Variants in ELMO1 observed in about 807,000 individuals in gnomAD.
ELMO1 encodes the protein engulfment and cell motility 1, also known as engulfment and cell motility protein 1.
In ELMO1, 26 loss-of-function variants were observed where a neutral mutation model predicts 98.9. The ratio of observed to expected loss-of-function variants is 0.26; its 90% CI spans 0.19 to 0.36. The LOEUF (loss-of-function observed/expected upper bound fraction) is 0.36, where lower values mean the gene tolerates loss of function less well. Among genes scored for constraint, ELMO1 ranks in the 10% least tolerant of loss-of-function variants. The pLI, the probability that ELMO1 is intolerant of heterozygous loss-of-function variation, is 1.00. For synonymous variants in ELMO1, 346 were observed against 346.0 expected (o/e 1.00, Z 0.00); for missense variants, 627 against 935.2 (o/e 0.67, Z 4.30).
chr7:37,426,528 C>T (rs1583742590), intron 1 of ELMO1, among the ~76,000 whole-genome samples: 1 of 152,096 alleles, frequency 6.6e-6, no homozygotes, highest in Non-Finnish European at 1.5e-5. Flanking sequence ...AATGAGATAA[C>T]ATATATAAAT....
rs71553100 is a variant in ELMO1 at position 37,171,481 on chromosome 7, C to CTTTTTTTTTTTTTTTTTTTTTT, written c.1087-38248_1087-38247insAAAAAAAAAAAAAAAAAAAAAA. ...AGTTTATTCTTGTAACCAGGCCTTT[C>CTTTTTTTTTTTTTTTTTTTTTT]TATTTTTTTTTTTTTTTTTTTTTTT... On this transcript the variant is annotated intron_variant, in intron 13 of 21. Transcript: ENST00000310758. 9.0e-5 allele frequency among the ~76,000 whole-genome samples: 4 copies of CTTTTTTTTTTTTTTTTTTTTTT among 44,268 alleles called. 1 individual carries two copies. Among genetic ancestry groups the CTTTTTTTTTTTTTTTTTTTTTT allele is most frequent in the African/African-American group, 1.2e-4 (2 of 16,050 alleles). 29.0% of individuals were successfully genotyped at this position (44,268 alleles called of 152,430 possible). A position where few individuals can be genotyped will look rare whatever the true frequency, so the allele number is the denominator to read the frequency against.
At chr7:36,973,733 G>A (rs1020809851) in intron 16 of ELMO1, among the ~76,000 whole-genome samples, 6 of 152,234 alleles carry the variant, frequency 3.9e-5, no homozygotes, top group Non-Finnish European at 8.8e-5. Flanking sequence ...CGGCTTGCAG[G>A]GAGGTGTGGA....
At chr7:36,972,778 A>G (rs1455898309) in intron 16 of ELMO1, among the ~76,000 whole-genome samples, 2 of 152,054 alleles carry the variant, frequency 1.3e-5, no homozygotes, top group East Asian at 3.9e-4. Context: ...AACTATATCT[A>G]TATCTATAGT....
intron 18 of ELMO1, among the ~76,000 whole-genome samples, chr7:36,884,085 G>A (rs962158624): frequency 6.6e-6 from 1 of 152,082 alleles, no homozygotes; most frequent in Non-Finnish European, 1.5e-5. Flanking sequence ...ACTTTGGGAG[G>A]CAAGGCAAGT....
At chr7:37,294,595 A>ATG in intron 4 of ELMO1, among the ~76,000 whole-genome samples, 1 of 152,254 alleles carries the variant, frequency 6.6e-6, no homozygotes, top group African/African-American at 2.4e-5. Flanking sequence ...CCCCACACAA[A>ATG]TACATGCATA....
chr7:37,242,929 A>T (rs1280595614), intron 7 of ELMO1, among the ~76,000 whole-genome samples: 3 of 152,170 alleles, frequency 2.0e-5, no homozygotes, highest in East Asian at 3.9e-4. Context: ...CCCATCAAAG[A>T]CCCATCTGGT....
chr7:36,896,281 G>A (rs1052976707), intron 16 of ELMO1, among the ~76,000 whole-genome samples: 1 of 152,190 alleles, frequency 6.6e-6, no homozygotes, highest in Non-Finnish European at 1.5e-5. Flanking sequence ...TCACATATAT[G>A]TAGTTGAATC....
intron 16 of ELMO1, among the ~76,000 whole-genome samples, chr7:36,919,856 T>G (rs1226720576): frequency 6.6e-6 from 1 of 152,160 alleles, no homozygotes; most frequent in East Asian, 1.9e-4. Flanking sequence ...ATCATTTCCA[T>G]CTCCCTTCCT....
chr7:36,889,479 G>A (rs77893829), intron 17 of ELMO1, among the ~76,000 whole-genome samples: 4,064 of 152,288 alleles, frequency 0.027, 187 homozygotes, highest in African/African-American at 0.092. Flanking sequence ...TCCAAGTCCA[G>A]GTGACAGGGT....
At chr7:37,138,977 ATGATC>A (rs1563028294) in intron 13 of ELMO1, among the ~76,000 whole-genome samples, 1 of 152,248 alleles carries the variant, frequency 6.6e-6, no homozygotes, top group Non-Finnish European at 1.5e-5. Context: ...CGAAAATCAT[ATGATC>A]ATCTCAACAG....
chr7:37,100,786 TG>T (rs1784597209), intron 14 of ELMO1, among the ~76,000 whole-genome samples: 2 of 152,096 alleles, frequency 1.3e-5, no homozygotes, highest in African/African-American at 4.8e-5. Context: ...GTGTGTGAGG[TG>T]GTACTGTCTG....
At chr7:37,221,705 C>CTTTTCTTTTT (rs139631382) in intron 10 of ELMO1, among the ~76,000 whole-genome samples, 1,684 of 149,926 alleles carry the variant, frequency 0.011, 43 homozygotes, top group African/African-American at 0.039. Flanking sequence ...CTTTTTTTTT[C>CTTTTCTTTTT]TTTTTTTTAA....
At chr7:37,331,293 C>A (rs915226579) in intron 2 of ELMO1, among the ~76,000 whole-genome samples, 1 of 150,690 alleles carries the variant, frequency 6.6e-6, no homozygotes, top group African/African-American at 2.4e-5. Context: ...CCTCAGCCTC[C>A]CGAGTAGCTG....
At chr7:37,057,165 C>T (rs763735531) in intron 15 of ELMO1, among the ~76,000 whole-genome samples, 28 of 152,022 alleles carry the variant, frequency 1.8e-4, no homozygotes, top group Non-Finnish European at 3.2e-4. Flanking sequence ...TATTACCAAT[C>T]GCAGGTTTTA....
chr7:37,447,446 G>A (rs569133465), intron 1 of ELMO1, among the ~76,000 whole-genome samples: 1 of 151,998 alleles, frequency 6.6e-6, no homozygotes, highest in Non-Finnish European at 1.5e-5. Context: ...CTGAGTCTCG[G>A]GAGCCGTCCA....
chr7:37,108,125 A>C (rs1162332652), intron 14 of ELMO1, among the ~76,000 whole-genome samples: 2 of 152,258 alleles, frequency 1.3e-5, no homozygotes, highest in African/African-American at 4.8e-5. Context: ...TGAGGTTAAA[A>C]AAGCATGTGA....
intron 15 of ELMO1, among the ~76,000 whole-genome samples, chr7:37,053,900 T>C (rs1458265541): frequency 6.6e-6 from 1 of 152,228 alleles, no homozygotes; most frequent in Non-Finnish European, 1.5e-5. Flanking sequence ...TTGATATTTG[T>C]CCCATGGTTT....
intron 4 of ELMO1, among the ~76,000 whole-genome samples, chr7:37,291,149 G>A (rs1485338448): frequency 3.9e-5 from 6 of 152,112 alleles, no homozygotes; most frequent in Admixed American, 3.3e-4. Context: ...ACAGTGGTAA[G>A]ACAACTGGCT....
chr7:37,326,595 C>CT (rs1799829219), intron 2 of ELMO1, among the ~76,000 whole-genome samples: 1 of 151,470 alleles, frequency 6.6e-6, no homozygotes, highest in Admixed American at 6.6e-5. Flanking sequence ...ACTCTGCCAC[C>CT]TTTTTCTTGA....
Sources: gnomAD v4.1 joint callset for allele counts (sites outside exome capture counted in the v4.1 genomes callset) on GRCh38, gnomAD v4.1.1 for gene constraint, MANE v1.5 for transcripts, NCBI Gene and HGNC (gene_info 2026-07-23, HGNC 2026-07-21) for gene names.